PDE2A: variants seen among roughly 807,000 people sequenced by gnomAD.
PDE2A encodes phosphodiesterase 2A, also known as cGMP-dependent 3',5'-cyclic phosphodiesterase.
A neutral mutation model predicts 133.6 loss-of-function variants in PDE2A; 53 were observed. The observed-to-expected ratio is 0.40, with a 90% confidence interval of 0.32 to 0.50. The LOEUF (loss-of-function observed/expected upper bound fraction) is 0.50. PDE2A is among the 20% of genes least tolerant of loss of function. The pLI, the probability that PDE2A is intolerant of heterozygous loss-of-function variation, is 0.73. For missense variants in PDE2A, 796 were observed against 1,232.4 expected (o/e 0.65, Z 5.30); for synonymous variants, 491 against 490.2 (o/e 1.00, Z -0.02).
chr11:72,603,878 A>G (rs1856858912), intron 4 of PDE2A, among the ~76,000 whole-genome samples: 1 of 152,184 alleles, frequency 6.6e-6, no homozygotes, highest in Non-Finnish European at 1.5e-5. Flanking sequence ...AGGGCTGAGG[A>G]GAGACCAGCA....
At chr11:72,603,944 A>G (rs1856862266) in intron 4 of PDE2A, among the ~76,000 whole-genome samples, 2 of 152,224 alleles carry the variant, frequency 1.3e-5, no homozygotes, top group Admixed American at 1.3e-4. Context: ...TGAGTCCAGC[A>G]TCCTCAAACA....
chr11:72,606,045 C>A (rs1476909360), intron 3 of PDE2A, among the ~76,000 whole-genome samples: 1 of 151,998 alleles, frequency 6.6e-6, no homozygotes, highest in Non-Finnish European at 1.5e-5. Context: ...ACCGATTACT[C>A]CTCAGAGGGA....
chr11:72,580,136 G>C (rs919217063), intron 25 of PDE2A, among the ~76,000 whole-genome samples: 10 of 152,102 alleles, frequency 6.6e-5, no homozygotes, highest in African/African-American at 2.2e-4. Flanking sequence ...CCTCTGGAGG[G>C]GTGTTGTGGG....
Position 72,674,413 on chromosome 11 carries a change from G to C in PDE2A, c.-206C>G, listed in dbSNP as rs937539517. ...CCCGCTGCCACTGCCTCTGCTGCTC[G>C]GCTGGCTCTGGGAGGAGGTTGGAGC... On this transcript the variant is annotated 5_prime_UTR_variant, in exon 1 of 31. Transcript: ENST00000334456. The C allele has an allele frequency of 2.5e-5, 14 of 571,024 alleles. No homozygotes were observed. Among genetic ancestry groups the C allele is most frequent in the Non-Finnish European group, 4.1e-5 (13 of 320,552 alleles). 35.4% of individuals were successfully genotyped at this position (571,024 alleles called of 1,614,324 possible). A position where few individuals can be genotyped will look rare whatever the true frequency, so the allele number is the denominator to read the frequency against.
chr11:72,590,371 C>A lies in PDE2A; in HGVS notation c.703+56G>T. On this transcript the variant is annotated intron_variant, in intron 8 of 30. Coordinates refer to ENST00000334456, the MANE Select transcript of PDE2A (RefSeq NM_002599.5). The surrounding 1 kb of genome is among the most constrained non-coding windows in gnomAD (Gnocchi z 4.8). Reference sequence around the variant, plus strand: ...CCGGGATCGCCTAACCCGCCCACCTCCCCTCCAAGTTCTGCCCGGCCCCGC... The same window carrying A: ...CCGGGATCGCCTAACCCGCCCACCTACCCTCCAAGTTCTGCCCGGCCCCGC... The A allele has an allele frequency of 6.4e-7, 1 of 1,553,524 alleles. No individual in the cohort carries two copies. Among genetic ancestry groups the A allele is most frequent in the African/African-American group, 1.4e-5 (1 of 73,586 alleles).
intron 14 of PDE2A, 52 bp from the exon 15 acceptor site, chr11:72,585,645 C>G: frequency 6.4e-7 from 1 of 1,558,562 alleles, no homozygotes; most frequent in Non-Finnish European, 8.8e-7. Context: ...AGGGGTCACC[C>G]TATCCAACCT....
chr11:72,614,263 C>A (rs1010452240), intron 2 of PDE2A, among the ~76,000 whole-genome samples: 1 of 152,234 alleles, frequency 6.6e-6, no homozygotes. Context: ...GAAGATCTTG[C>A]AGCCCCAGAC....
intron 2 of PDE2A, among the ~76,000 whole-genome samples, chr11:72,613,099 A>AT (rs1196098470): frequency 6.6e-6 from 1 of 152,160 alleles, no homozygotes; most frequent in Non-Finnish European, 1.5e-5. Context: ...GGTCGCTGCC[A>AT]TAAGATCTTT....
At position 72,597,485 on chromosome 11, in the gene PDE2A, CCCCT is replaced by C. The variant is rs775238353; in HGVS notation, c.433+21_433+24del. On this transcript the variant is annotated intron_variant, in intron 5 of 30. Transcript: ENST00000334456. This position sits in a 1 kb window ranked among gnomAD's most constrained non-coding sequence, Gnocchi z 4.6. ...CAGTCCCTCCCTGCCCCTGCCCCTG[CCCCT>C]GCCCAGCCCCTAGCCCTTACCTTGG... The C allele has an allele frequency of 2.1e-6, 3 of 1,426,552 alleles. No homozygotes were observed. In the Admixed American group the frequency reaches 5.0e-5, roughly 24 times the overall value. The allele number at this position is 1,426,552 out of a possible 1,614,324, so 88.4% of individuals were successfully genotyped here.
At chr11:72,642,208 G>A (rs755789675) in intron 2 of PDE2A, 46 bp downstream of exon 2, 5 of 1,400,444 alleles carry the variant, frequency 3.6e-6, no homozygotes, top group Admixed American at 3.3e-5. Context: ...CCCGGCGCTC[G>A]CCGGACACCC....
Position 72,590,706 on chromosome 11 carries a change from C to G in PDE2A, c.550-126G>C. 1 of 871,510 alleles carries G rather than the reference C, an allele frequency of 1.1e-6. No individual in the cohort carries two copies. Among genetic ancestry groups the G allele is most frequent in the Non-Finnish European group, 1.6e-6 (1 of 623,754 alleles). 54.0% of individuals were successfully genotyped at this position (871,510 alleles called of 1,614,324 possible). On this transcript the variant is annotated intron_variant, in intron 7 of 30. Transcript: ENST00000334456. The surrounding 1 kb of genome is among the most constrained non-coding windows in gnomAD (Gnocchi z 4.8). ...GGGCCCAGGGACCCCGCCGCCGTCCCAAACACCTCATCCCTGGACTCTACC... is the reference window on the plus strand; with the variant it reads ...GGGCCCAGGGACCCCGCCGCCGTCCGAAACACCTCATCCCTGGACTCTACC...
intron 1 of PDE2A, among the ~76,000 whole-genome samples, chr11:72,643,931 C>T (rs1391613726): frequency 6.6e-6 from 1 of 152,184 alleles, no homozygotes; most frequent in Non-Finnish European, 1.5e-5. Context: ...AGCCCGAGCC[C>T]TGAGCCTGGC....
At chr11:72,655,511 GTGTGTGTGTGTGCA>G (rs1015139345) in intron 1 of PDE2A, among the ~76,000 whole-genome samples, 15 of 150,560 alleles carry the variant, frequency 1.0e-4, no homozygotes, top group Non-Finnish European at 2.1e-4. Flanking sequence ...GTGCACGCAC[GTGTGTGTGTGTGCA>G]TGTGTGTGTG....
At chr11:72,673,192 C>G (rs1212353754) in intron 1 of PDE2A, among the ~76,000 whole-genome samples, 1 of 152,108 alleles carries the variant, frequency 6.6e-6, no homozygotes, top group Non-Finnish European at 1.5e-5. Flanking sequence ...AGACACAACA[C>G]ACATAATATA....
rs147879565 is a variant in PDE2A at position 72,629,003 on chromosome 11, C to T, written c.144+13251G>A. ...GGGGTGCTGGCAGGACCCAGAAATC[C>T]AGCAGGCCCTGCCAAGAGTCCAGGC... On this transcript the variant is annotated intron_variant, in intron 2 of 30. Coordinates refer to ENST00000334456, the MANE Select transcript of PDE2A (RefSeq NM_002599.5). Among the ~76,000 whole-genome samples, 69 of 152,318 alleles carry T rather than the reference C, an allele frequency of 4.5e-4. No individual in the cohort carries two copies. The East Asian group carries it at 0.012, about 27-fold the overall frequency.
chr11:72,627,839 CA>C (rs1858162792), intron 2 of PDE2A, among the ~76,000 whole-genome samples: 1 of 152,260 alleles, frequency 6.6e-6, no homozygotes, highest in Non-Finnish European at 1.5e-5. Flanking sequence ...TCAGCATGCT[CA>C]ATTCACCAAC....
chr11:72,586,876 G>A (rs1856000501), intron 13 of PDE2A, among the ~76,000 whole-genome samples: 1 of 152,142 alleles, frequency 6.6e-6, no homozygotes, highest in South Asian at 2.1e-4. Context: ...CCACCCTGGT[G>A]GGGCATCCCC....
chr11:72,582,652 T>C, intron 20 of PDE2A, 86 bp from the exon 21 acceptor site: 2 of 1,359,856 alleles, frequency 1.5e-6, no homozygotes, highest in African/African-American at 2.9e-5. Context: ...AGGTGGGGGA[T>C]CCGTCACCCA....
At position 72,603,911 on chromosome 11, in the gene PDE2A, C is replaced by A. The variant is rs529975910; in HGVS notation, c.323+1227G>T. ...GCATCCTAGAAACCAGGGTTTCCAG[C>A]ACAAGGAGGGGCCTCAGGACCATGA... is the stretch of plus-strand genomic sequence containing the variant. On this transcript the variant is annotated intron_variant, in intron 4 of 30. Transcript: ENST00000334456. Among the ~76,000 whole-genome samples, 8 of 152,298 alleles carry A rather than the reference C, an allele frequency of 5.3e-5. 1 individual carries two copies. The highest frequency in any genetic ancestry group is 6.5e-5 in the Admixed American group (1 of 15,296).
Sources: gnomAD v4.1 joint callset for allele counts (sites outside exome capture counted in the v4.1 genomes callset) on GRCh38, gnomAD v4.1.1 for gene constraint, Gnocchi (gnomAD v3.1) non-coding constraint, MANE v1.5 for transcripts, NCBI Gene and HGNC (gene_info 2026-07-23, HGNC 2026-07-21) for gene names.